KIF16B: variants seen among roughly 807,000 people sequenced by gnomAD.
KIF16B encodes kinesin-like protein KIF16B.
Under a neutral mutation model 156.3 loss-of-function variants are expected in KIF16B, and 98 were observed. That is an observed-to-expected ratio of 0.63 (90% CI 0.53 to 0.74). The LOEUF is 0.74. Among genes scored for constraint, KIF16B ranks in the 30% least tolerant of loss-of-function variants. The pLI, the probability that KIF16B is intolerant of heterozygous loss-of-function variation, is 0.00. For missense variants in KIF16B, 1,421 were observed against 1,606.5 expected, an observed-to-expected ratio of 0.88 and a Z score of 1.97; for synonymous variants, 564 against 583.7, an observed-to-expected ratio of 0.97 and a Z score of 0.49.
rs77741910 is a variant in KIF16B, at chr20:16,303,568, T to C, written c.3795+8767A>G. Among the ~76,000 whole-genome samples, 228 of 152,354 alleles carry C rather than the reference T, an allele frequency of 1.5e-3. 2 individuals are homozygous for C. Among genetic ancestry groups the C allele is most frequent in the African/African-American group, 5.2e-3 (218 of 41,584 alleles). On this transcript the variant is annotated intron_variant, in intron 25 of 25. Transcript: ENST00000354981. Reference sequence around the variant, plus strand: ...CTCATTTTGAATTTTTTTGTATTTTTTTGTCAGAACAAATATCTGCTATTT... The same window carrying C: ...CTCATTTTGAATTTTTTTGTATTTTCTTGTCAGAACAAATATCTGCTATTT...
chr20:16,384,439 T>C (rs73095021), intron 17 of KIF16B, among the ~76,000 whole-genome samples: 6,923 of 152,210 alleles, frequency 0.045, 186 homozygotes, highest in African/African-American at 0.079. Context: ...CAAGGAAAGC[T>C]AATAAAATCA....
intron 15 of KIF16B, among the ~76,000 whole-genome samples, chr20:16,420,119 CT>C (rs1308425530): frequency 1.3e-5 from 2 of 152,124 alleles, no homozygotes; most frequent in East Asian, 3.9e-4. Context: ...TCTGGAAGAA[CT>C]AAAAAAAGAG....
chr20:16,319,271 A>G (rs554434592), intron 24 of KIF16B, among the ~76,000 whole-genome samples: 2 of 152,364 alleles, frequency 1.3e-5, no homozygotes, highest in African/African-American at 2.4e-5. Context: ...CTCACTAGTT[A>G]TGACAAATGT....
rs75496765 is a variant in KIF16B, at chr20:16,529,304, T to C, written c.48-864A>G. On this transcript the variant is annotated intron_variant, in intron 1 of 25. Transcript: ENST00000354981. ...CATCTTTAGAACGATAAAAATGATT[T>C]ATGCAAAAATAAAACAAGAGTTTCA... Among the ~76,000 whole-genome samples, 19 of 152,232 alleles carry C rather than the reference T, an allele frequency of 1.2e-4. No homozygotes were observed. The East Asian group carries it at 3.1e-3, about 25-fold the overall frequency.
At chr20:16,370,481 G>A (rs76723895) in intron 22 of KIF16B, 105 bp downstream of exon 22, 66 of 853,822 alleles carry the variant, frequency 7.7e-5, no homozygotes, top group Non-Finnish European at 1.0e-4. Context: ...TAATCTTGCC[G>A]GGACCTCAAA....
rs138335366 is a variant in KIF16B at position 16,528,593 on chromosome 20, C to G, written c.48-153G>C. ...ATCCCAGACACGGCTCCTCCCAAAT[C>G]CTTACTAATATAACATGAAGATACG... is the stretch of plus-strand genomic sequence containing the variant. On this transcript the variant is annotated intron_variant, in intron 1 of 25. Coordinates refer to ENST00000354981, the MANE Select transcript of KIF16B (RefSeq NM_024704.5). Among the ~76,000 whole-genome samples, 3 of 152,132 alleles carry G rather than the reference C, an allele frequency of 2.0e-5. No homozygotes were observed. The East Asian group carries it at 5.8e-4, about 29-fold the overall frequency.
intron 17 of KIF16B, among the ~76,000 whole-genome samples, chr20:16,396,574 A>G (rs2146205835): frequency 6.6e-6 from 1 of 151,842 alleles, no homozygotes; most frequent in African/African-American, 2.4e-5. Context: ...AGGGAGAGGC[A>G]GAGACAGAGA....
intron 15 of KIF16B, among the ~76,000 whole-genome samples, chr20:16,422,475 G>A (rs1260902859): frequency 6.6e-6 from 1 of 152,062 alleles, no homozygotes; most frequent in African/African-American, 2.4e-5. Context: ...GGCTATGGGT[G>A]GTGGGAGCTC....
intron 24 of KIF16B, among the ~76,000 whole-genome samples, chr20:16,323,162 C>A (rs8114381): frequency 0.04 from 6,074 of 151,932 alleles, 384 homozygotes; most frequent in African/African-American, 0.14. Context: ...TCCTCATTTA[C>A]TAGTCATTTT....
chr20:16,319,748 C>T (rs2063747870), intron 24 of KIF16B, among the ~76,000 whole-genome samples: 1 of 152,132 alleles, frequency 6.6e-6, no homozygotes, highest in Non-Finnish European at 1.5e-5. Context: ...TTCCAGGAGC[C>T]CCACCAGGTT....
At chr20:16,505,991 CAG>C (rs1319517253) in intron 8 of KIF16B, 29 bp downstream of exon 8, 1 of 1,612,456 alleles carries the variant, frequency 6.2e-7, no homozygotes, top group Non-Finnish European at 8.5e-7. Flanking sequence ...GAGGAGGAAA[CAG>C]AGGAGGCAGG....
chr20:16,313,068 C>A (rs1440223515), intron 24 of KIF16B, among the ~76,000 whole-genome samples: 7 of 152,108 alleles, frequency 4.6e-5, no homozygotes, highest in Non-Finnish European at 8.8e-5. Context: ...CTTGAATGTA[C>A]AAAAATTATA....
At chr20:16,461,470 A>C (rs552257472) in intron 12 of KIF16B, among the ~76,000 whole-genome samples, 16 of 152,320 alleles carry the variant, frequency 1.1e-4, no homozygotes, top group African/African-American at 3.4e-4. Flanking sequence ...GAAAAAAATT[A>C]AGTACACATA....
At chr20:16,389,346 A>T (rs1464877031) in intron 17 of KIF16B, among the ~76,000 whole-genome samples, 2 of 152,200 alleles carry the variant, frequency 1.3e-5, no homozygotes, top group Admixed American at 1.3e-4. Flanking sequence ...GAACTCTGCA[A>T]ATTATGCAGC....
intron 25 of KIF16B, among the ~76,000 whole-genome samples, chr20:16,299,091 T>C (rs1421275514): frequency 1.3e-5 from 2 of 152,200 alleles, no homozygotes; most frequent in Admixed American, 6.5e-5. Flanking sequence ...AGCGTGTGTG[T>C]CTGTATTTGA....
chr20:16,475,464 G>A (rs143353594), intron 12 of KIF16B, among the ~76,000 whole-genome samples: 196 of 152,272 alleles, frequency 1.3e-3, no homozygotes, highest in African/African-American at 4.5e-3. Flanking sequence ...ACCACTAACT[G>A]TGACAGTACA....
chr20:16,391,495 G>A (rs941592805), intron 17 of KIF16B, among the ~76,000 whole-genome samples: 14 of 152,176 alleles, frequency 9.2e-5, no homozygotes, highest in African/African-American at 2.4e-4. Context: ...TACATAATGC[G>A]TATGCCGTGA....
chr20:16,451,567 C>T (rs1182460615), intron 12 of KIF16B, among the ~76,000 whole-genome samples: 1 of 149,888 alleles, frequency 6.7e-6, no homozygotes, highest in African/African-American at 2.4e-5. Flanking sequence ...ACAACAACAA[C>T]AACAAAATTA....
At chr20:16,353,961 C>A (rs768538013) in intron 23 of KIF16B, among the ~76,000 whole-genome samples, 1 of 152,172 alleles carries the variant, frequency 6.6e-6, no homozygotes, top group African/African-American at 2.4e-5. Flanking sequence ...GGAAGCGGAA[C>A]AATGACACGC....
Sources: allele counts gnomAD v4.1 joint callset (sites outside exome capture counted in the v4.1 genomes callset), GRCh38; gene constraint gnomAD v4.1.1; transcripts MANE v1.5; gene names NCBI Gene and HGNC (gene_info 2026-07-23, HGNC 2026-07-21).